CRACDL: variants seen among roughly 807,000 people sequenced by gnomAD.
CRACDL encodes the protein CRACD like, also known as CRACD-like protein.
In CRACDL, 26 loss-of-function variants were observed where a neutral mutation model predicts 70.6. The ratio of observed to expected loss-of-function variants is 0.37; its 90% confidence interval spans 0.27 to 0.51. CRACDL has a LOEUF of 0.51. CRACDL is among the 20% of genes least tolerant of loss of function. CRACDL has a pLI of 0.94. For synonymous variants in CRACDL, 618 were observed against 615.2 expected (o/e 1.00, Z -0.07); for missense variants, 1,283 against 1,376.9 (o/e 0.93, Z 1.08).
intron 7 of CRACDL, among the ~76,000 whole-genome samples, chr2:98,802,450 A>G (rs969239336): frequency 2.6e-5 from 4 of 152,200 alleles, no homozygotes; most frequent in African/African-American, 9.6e-5. Context: ...CAAAGTTTTC[A>G]GACCCACATT....
intron 7 of CRACDL, among the ~76,000 whole-genome samples, chr2:98,814,790 A>G (rs1704715024): frequency 3.3e-5 from 5 of 152,080 alleles, no homozygotes; most frequent in Admixed American, 3.3e-4. Flanking sequence ...TCTACATCTT[A>G]CTATGGATTT....
intron 1 of CRACDL, among the ~76,000 whole-genome samples, chr2:98,856,596 A>G (rs1288179005): frequency 2.0e-5 from 3 of 152,146 alleles, no homozygotes; most frequent in African/African-American, 7.2e-5. Flanking sequence ...CATTTTTTTT[A>G]TAGCTGATTC....
intron 7 of CRACDL, among the ~76,000 whole-genome samples, chr2:98,814,658 T>C (rs1305506868): frequency 6.6e-6 from 1 of 152,174 alleles, no homozygotes; most frequent in Non-Finnish European, 1.5e-5. Flanking sequence ...GGCTGTTCTA[T>C]AAATATCAAT....
Position 98,822,715 on chromosome 2 carries a change from A to T in CRACDL, c.1558T>A (p.Ser520Thr), listed in dbSNP as rs1705122988. 7.9e-7 allele frequency: 1 copy of T among 1,259,556 alleles called. No individual in the cohort carries two copies. The allele number at this position is 1,259,556 out of a possible 1,614,324, so 78.0% of individuals were successfully genotyped here. The change falls in exon 7 of 10, where the codon TCT becomes ACT. Residue 520 changes from serine (S) to threonine (T), a missense_variant. Ser to Thr is a moderately conservative substitution (Grantham distance 58). Transcript: ENST00000397899. The surrounding 1 kb of genome is among the most constrained non-coding windows in gnomAD (Gnocchi z 4.9). Reference sequence around the variant, plus strand: ...CCGGGGCCGGGCTCCACCGGGGGAGACTCCGCAGCGGCAAGCGGCGGGGAC... The same window carrying T: ...CCGGGGCCGGGCTCCACCGGGGGAGTCTCCGCAGCGGCAAGCGGCGGGGAC... ...AASPPLAAAE[S>T]PPVEPGPGSL... is the part of the protein sequence containing the mutation.
At chr2:98,812,095 C>G (rs1428748472) in intron 7 of CRACDL, among the ~76,000 whole-genome samples, 1 of 152,350 alleles carries the variant, frequency 6.6e-6, no homozygotes, top group East Asian at 1.9e-4. Flanking sequence ...CCTGCCTCAG[C>G]CTCCCAAGTT....
At chr2:98,855,669 C>T (rs1160816305) in intron 1 of CRACDL, among the ~76,000 whole-genome samples, 1 of 152,086 alleles carries the variant, frequency 6.6e-6, no homozygotes, top group East Asian at 1.9e-4. Context: ...TTGAACTCCT[C>T]AGACAAAACC....
intron 1 of CRACDL, among the ~76,000 whole-genome samples, chr2:98,896,511 G>C (rs924101460): frequency 3.3e-5 from 5 of 152,200 alleles, no homozygotes; most frequent in African/African-American, 1.2e-4. Context: ...GTCTGGGGCA[G>C]AGCTGCAAAC....
intron 1 of CRACDL, among the ~76,000 whole-genome samples, chr2:98,910,525 T>TCTGTCTCA (rs1708522250): frequency 1.0e-4 from 5 of 47,666 alleles, no homozygotes; most frequent in Non-Finnish European, 2.3e-4. Context: ...TGTCTCAAAA[T>TCTGTCTCA]AAATAAATAA....
intron 9 of CRACDL, 102 bp from the exon 10 acceptor site, chr2:98,794,773 G>A: frequency 1.1e-6 from 1 of 926,052 alleles, no homozygotes; most frequent in Non-Finnish European, 1.6e-6. Context: ...GGTCTTAACT[G>A]TGTTCTCGAA....
intron 1 of CRACDL, among the ~76,000 whole-genome samples, chr2:98,920,456 A>G (rs1183721759): frequency 1.3e-5 from 2 of 152,128 alleles, no homozygotes; most frequent in East Asian, 3.9e-4. Flanking sequence ...CGGTCATCCC[A>G]CAGGCACCCA....
chr2:98,849,552 T>C (rs1043695603), intron 1 of CRACDL, among the ~76,000 whole-genome samples: 2 of 151,206 alleles, frequency 1.3e-5, no homozygotes, highest in Non-Finnish European at 3.0e-5. Context: ...AGGGTTCAGA[T>C]GCAGATGTAG....
intron 3 of CRACDL, 135 bp from the exon 4 acceptor site, chr2:98,833,132 G>T: frequency 1.3e-6 from 1 of 797,532 alleles, no homozygotes; most frequent in Non-Finnish European, 2.0e-6. Context: ...ACATTTCAGT[G>T]GTCCCTGACT....
At chr2:98,826,701 G>T (rs1481221648) in intron 6 of CRACDL, among the ~76,000 whole-genome samples, 1 of 152,208 alleles carries the variant, frequency 6.6e-6, no homozygotes, top group East Asian at 1.9e-4. Context: ...CTGAGTGCAG[G>T]GGGAAGGCAA....
intron 1 of CRACDL, among the ~76,000 whole-genome samples, chr2:98,872,094 G>T (rs560272573): frequency 6.6e-6 from 1 of 152,168 alleles, no homozygotes; most frequent in East Asian, 1.9e-4. Flanking sequence ...CAGGCTGGAC[G>T]TGGTGGCTCA....
intron 1 of CRACDL, among the ~76,000 whole-genome samples, chr2:98,859,836 G>A (rs1177734564): frequency 6.6e-6 from 1 of 152,084 alleles, no homozygotes; most frequent in African/African-American, 2.4e-5. Context: ...AGAATAAAAA[G>A]CACTGAGATT....
intron 1 of CRACDL, among the ~76,000 whole-genome samples, chr2:98,897,202 C>T (rs949922981): frequency 6.6e-6 from 1 of 152,176 alleles, no homozygotes; most frequent in African/African-American, 2.4e-5. Flanking sequence ...AAAATGGAAT[C>T]GTACAGTATG....
intron 1 of CRACDL, among the ~76,000 whole-genome samples, chr2:98,867,742 T>C (rs746891374): frequency 6.6e-6 from 1 of 152,250 alleles, no homozygotes; most frequent in Non-Finnish European, 1.5e-5. Context: ...CTATGACTCG[T>C]GCTGACTGCT....
intron 1 of CRACDL, among the ~76,000 whole-genome samples, chr2:98,876,130 G>A (rs1302789745): frequency 6.6e-6 from 1 of 152,330 alleles, no homozygotes; most frequent in East Asian, 1.9e-4. Flanking sequence ...ATGTAGATAT[G>A]AGGAAATTAT....
At position 98,902,930 on chromosome 2, in the gene CRACDL, G is replaced by A. The variant is rs368160687; in HGVS notation, c.-11+33008C>T. Among the ~76,000 whole-genome samples, 68 of 152,182 alleles carry A rather than the reference G, an allele frequency of 4.5e-4. 1 individual carries two copies. The South Asian group carries it at 0.014, about 32-fold the overall frequency. Reference sequence around the variant, plus strand: ...ACGAACCGACTGTCCTAGAGCCTACGACCAGCTTTTACCACTCCCTCCAGG... The same window carrying A: ...ACGAACCGACTGTCCTAGAGCCTACAACCAGCTTTTACCACTCCCTCCAGG... On this transcript the variant is annotated intron_variant, in intron 1 of 9. Coordinates refer to ENST00000397899, the MANE Select transcript of CRACDL (RefSeq NM_207362.3).
Sources: gnomAD v4.1 joint callset for allele counts (sites outside exome capture counted in the v4.1 genomes callset) on GRCh38, gnomAD v4.1.1 for gene constraint, Gnocchi (gnomAD v3.1) non-coding constraint, MANE v1.5 for transcripts, NCBI Gene and HGNC (gene_info 2026-07-23, HGNC 2026-07-21) for gene names.